The following FAM184A variants were observed in gnomAD, a reference collection of about 807,000 sequenced individuals.
FAM184A encodes the protein family with sequence similarity 184 member A, also known as protein FAM184A.
A neutral mutation model predicts 143.8 loss-of-function variants in FAM184A; 99 were observed. The ratio of observed to expected loss-of-function variants is 0.69; its 90% confidence interval spans 0.58 to 0.81. The LOEUF (loss-of-function observed/expected upper bound fraction) is 0.81, where lower values mean the gene tolerates loss of function less well. Ranked by LOEUF, FAM184A falls within the 40% of genes least tolerant of loss-of-function variation. The pLI is 0.00. For synonymous variants in FAM184A, 427 were observed against 446.4 expected (o/e 0.96, Z 0.55); for missense variants, 1,217 against 1,310.5 (o/e 0.93, Z 1.10).
At chr6:118,968,923 C>T (rs1024856259) in intron 14 of FAM184A, among the ~76,000 whole-genome samples, 13 of 152,226 alleles carry the variant, frequency 8.5e-5, no homozygotes, top group Admixed American at 5.2e-4. Flanking sequence ...AGTTAATCTT[C>T]TCTATAAAAT....
At chr6:119,147,938 G>A (rs562742640) in intron 1 of FAM184A, among the ~76,000 whole-genome samples, 4 of 152,284 alleles carry the variant, frequency 2.6e-5, no homozygotes, top group African/African-American at 4.8e-5. Context: ...CCAGTGCTTT[G>A]CCTGTGATGG....
chr6:119,006,397 T>C (rs776695221), intron 7 of FAM184A, 50 bp downstream of exon 7: 9 of 1,574,526 alleles, frequency 5.7e-6, no homozygotes, highest in Non-Finnish European at 6.1e-6. Context: ...ATGGCTAAAT[T>C]CTATTTTTAT....
At chr6:119,103,873 G>C (rs1788707494) in intron 1 of FAM184A, among the ~76,000 whole-genome samples, 1 of 148,416 alleles carries the variant, frequency 6.7e-6, no homozygotes, top group South Asian at 2.1e-4. Flanking sequence ...GTTGCAGTGA[G>C]CAGAGATCGA....
chr6:118,996,621 G>A (rs902119703), intron 9 of FAM184A, among the ~76,000 whole-genome samples: 24 of 152,022 alleles, frequency 1.6e-4, no homozygotes, highest in African/African-American at 5.6e-4. Flanking sequence ...CTTTCCTGAC[G>A]GCTAGAGAGA....
intron 1 of FAM184A, among the ~76,000 whole-genome samples, chr6:119,134,094 TA>T (rs1351822964): frequency 6.6e-6 from 1 of 151,930 alleles, no homozygotes; most frequent in Non-Finnish European, 1.5e-5. Flanking sequence ...ATAATGAGAA[TA>T]AAAAAGATAA....
chr6:119,090,738 A>T (rs1339354348), intron 1 of FAM184A, among the ~76,000 whole-genome samples: 1 of 152,116 alleles, frequency 6.6e-6, no homozygotes, highest in Admixed American at 6.6e-5. Context: ...ATTTCCACCC[A>T]TTCCAGATTT....
chr6:119,101,836 A>C (rs2114835539), intron 1 of FAM184A, among the ~76,000 whole-genome samples: 2 of 152,090 alleles, frequency 1.3e-5, no homozygotes, highest in East Asian at 3.9e-4. Flanking sequence ...TGGGCACATC[A>C]CCCGAGGTCA....
chr6:119,056,761 C>T (rs183537405), intron 1 of FAM184A, among the ~76,000 whole-genome samples: 1 of 152,288 alleles, frequency 6.6e-6, no homozygotes, highest in Admixed American at 6.5e-5. Flanking sequence ...AATGGAACCA[C>T]TAGACCGCTA....
intron 1 of FAM184A, among the ~76,000 whole-genome samples, chr6:119,130,215 G>GA (rs578064490): frequency 9.1e-4 from 138 of 152,286 alleles, no homozygotes; most frequent in African/African-American, 3.2e-3. Context: ...AGGAAAATCT[G>GA]AAAACCACCA....
intron 1 of FAM184A, among the ~76,000 whole-genome samples, chr6:119,112,551 G>C (rs1391531225): frequency 6.6e-6 from 1 of 152,198 alleles, no homozygotes; most frequent in Non-Finnish European, 1.5e-5. Flanking sequence ...ATGGGTTTTA[G>C]AGTAGAGCAG....
intron 1 of FAM184A, among the ~76,000 whole-genome samples, chr6:119,086,343 C>A (rs1337673422): frequency 6.6e-6 from 1 of 152,160 alleles, no homozygotes; most frequent in Admixed American, 6.5e-5. Flanking sequence ...CTAGTGAAGA[C>A]AGACAAATGA....
chr6:119,026,500 T>C (rs966254896), intron 1 of FAM184A, among the ~76,000 whole-genome samples: 1 of 151,250 alleles, frequency 6.6e-6, no homozygotes, highest in Non-Finnish European at 1.5e-5. Context: ...CCCCAACCGA[T>C]TGAACGGACC....
intron 1 of FAM184A, among the ~76,000 whole-genome samples, chr6:119,124,084 T>G (rs1313555637): frequency 6.6e-6 from 1 of 152,240 alleles, no homozygotes; most frequent in Admixed American, 6.5e-5. Context: ...TTTTATTCTT[T>G]TTTTAAATTT....
At chr6:119,130,858 C>CTTT (rs67738048) in intron 1 of FAM184A, among the ~76,000 whole-genome samples, 1 of 131,704 alleles carries the variant, frequency 7.6e-6, no homozygotes, top group Non-Finnish European at 1.6e-5. Flanking sequence ...TTCTTTTTTT[C>CTTT]TTTTTTTTTT....
At chr6:119,105,204 G>A (rs1347798317) in intron 1 of FAM184A, among the ~76,000 whole-genome samples, 1 of 152,152 alleles carries the variant, frequency 6.6e-6, no homozygotes, top group Non-Finnish European at 1.5e-5. Context: ...TTAACAACAG[G>A]GGAATCTGGG....
rs1315016261 is a variant in FAM184A, at chr6:119,024,180, T to C, written c.793A>G (p.Thr265Ala). The change falls in exon 2 of 18, where the codon ACT becomes GCT. Residue 265 changes from threonine to alanine, a missense_variant. Thr to Ala is a moderately conservative substitution (Grantham distance 58, BLOSUM62 0). Coordinates refer to ENST00000338891, the MANE Select transcript of FAM184A (RefSeq NM_024581.6). ...GTAAAAAGCTGTGACCTTTTCAAAG[T>C]ATCAAGCTCACGTTCATAAAAGGAC... ...AQSFYERELDTLKRSQLFTAE... is the reference protein window; with the variant it reads ...AQSFYERELDALKRSQLFTAE... 3 of 1,614,238 alleles carry C rather than the reference T, an allele frequency of 1.9e-6. No individual in the cohort carries two copies. The highest frequency in any genetic ancestry group is 1.3e-5 in the African/African-American group (1 of 75,074).
chr6:118,985,909 A>G lies in FAM184A; in HGVS notation c.2089-5559T>C, dbSNP rs192290464. Among the ~76,000 whole-genome samples, 3 of 152,316 alleles carry G rather than the reference A, an allele frequency of 2.0e-5. No homozygotes were observed. In the East Asian group the frequency reaches 5.8e-4, roughly 29 times the overall value. ...AATGACTTAACGAAAATGGTCATGT[A>G]AAATGTTTAAAGGTGCTCAAATATT... On this transcript the variant is annotated intron_variant, in intron 9 of 17. Coordinates refer to ENST00000338891, the MANE Select transcript of FAM184A (RefSeq NM_024581.6).
chr6:119,028,409 A>G (rs1785745473), intron 1 of FAM184A, among the ~76,000 whole-genome samples: 1 of 152,178 alleles, frequency 6.6e-6, no homozygotes, highest in African/African-American at 2.4e-5. Context: ...GGAACCCATC[A>G]TGTGACTATA....
chr6:119,034,212 G>A (rs62421122), intron 1 of FAM184A, among the ~76,000 whole-genome samples: 29,714 of 150,850 alleles, frequency 0.2, 3,290 homozygotes, highest in Non-Finnish European at 0.25. Flanking sequence ...ATAGAGTATC[G>A]CTTAGTGCAA....
Sources: allele counts gnomAD v4.1 joint callset (sites outside exome capture counted in the v4.1 genomes callset), GRCh38; gene constraint gnomAD v4.1.1; transcripts MANE v1.5; gene names NCBI Gene and HGNC (gene_info 2026-07-23, HGNC 2026-07-21).